EGLN1: variants seen among roughly 807,000 people sequenced by gnomAD.
EGLN1 encodes the protein egl nine homolog 1.
A neutral mutation model predicts 38.3 loss-of-function variants in EGLN1; 17 were observed. That is an observed-to-expected ratio of 0.44 (90% CI 0.30 to 0.67). EGLN1 has a LOEUF of 0.67. EGLN1 is among the 30% of genes least tolerant of loss of function. The pLI, the probability that EGLN1 is intolerant of heterozygous loss-of-function variation, is 0.08. For missense variants in EGLN1, 477 were observed against 603.3 expected (o/e 0.79, Z 2.19); for synonymous variants, 283 against 257.5 (o/e 1.10, Z -0.95).
At chr1:231,417,438 T>C (rs1689113869) in intron 1 of EGLN1, among the ~76,000 whole-genome samples, 1 of 152,092 alleles carries the variant, frequency 6.6e-6, no homozygotes, top group Admixed American at 6.6e-5. Context: ...AACAGAAAAG[T>C]TCAACATTTT....
intron 3 of EGLN1, among the ~76,000 whole-genome samples, chr1:231,368,534 TTTATTA>T (rs1175424860): frequency 6.6e-6 from 1 of 152,220 alleles, no homozygotes; most frequent in Non-Finnish European, 1.5e-5. Flanking sequence ...GCATCTCTAG[TTTATTA>T]AATACTACAA....
At chr1:231,384,485 A>C (rs976521708) in intron 1 of EGLN1, among the ~76,000 whole-genome samples, 2 of 152,006 alleles carry the variant, frequency 1.3e-5, no homozygotes, top group African/African-American at 4.8e-5. Flanking sequence ...GGCCTGACTG[A>C]GAAGTTGACA....
intron 1 of EGLN1, among the ~76,000 whole-genome samples, chr1:231,377,614 C>T (rs2102901500): frequency 6.6e-6 from 1 of 152,232 alleles, no homozygotes; most frequent in South Asian, 2.1e-4. Context: ...AGGAGTTTAT[C>T]GATAACTGTC....
intron 1 of EGLN1, among the ~76,000 whole-genome samples, chr1:231,417,112 T>C (rs986044018): frequency 1.3e-5 from 2 of 152,200 alleles, no homozygotes; most frequent in African/African-American, 4.8e-5. Context: ...GTCAGTTTCG[T>C]TTTTAACATC....
chr1:231,376,387 G>C (rs1687958431), intron 1 of EGLN1, among the ~76,000 whole-genome samples: 1 of 152,086 alleles, frequency 6.6e-6, no homozygotes. Flanking sequence ...CAATCGTCGT[G>C]GTACTTGTGT....
intron 1 of EGLN1, among the ~76,000 whole-genome samples, chr1:231,409,870 T>G (rs1450322543): frequency 6.6e-6 from 1 of 151,760 alleles, no homozygotes; most frequent in African/African-American, 2.4e-5. Context: ...ATGAGGAAAT[T>G]AATGCTTTAG....
chr1:231,386,915 A>G (rs989803991), intron 1 of EGLN1, among the ~76,000 whole-genome samples: 1 of 152,204 alleles, frequency 6.6e-6, no homozygotes, highest in Non-Finnish European at 1.5e-5. Flanking sequence ...GCTAGGGCGC[A>G]GTGGCTTGGA....
chr1:231,416,676 C>T (rs1689091309), intron 1 of EGLN1, among the ~76,000 whole-genome samples: 1 of 152,074 alleles, frequency 6.6e-6, no homozygotes, highest in Non-Finnish European at 1.5e-5. Flanking sequence ...CTAAAATAAT[C>T]TTTTAACGTA....
intron 1 of EGLN1, among the ~76,000 whole-genome samples, chr1:231,387,675 G>A (rs2808591): frequency 0.55 from 82,914 of 151,986 alleles, 24,236 homozygotes; most frequent in Non-Finnish European, 0.65. Flanking sequence ...TATTTTTAAG[G>A]ATGTTTAAGT....
At chr1:231,420,813 A>T (rs751693702) in intron 1 of EGLN1, among the ~76,000 whole-genome samples, 185 bp downstream of exon 1, 27 of 152,110 alleles carry the variant, frequency 1.8e-4, no homozygotes, top group Non-Finnish European at 3.2e-4. Context: ...GTGGATACAA[A>T]GGGGCTAACT....
intron 1 of EGLN1, among the ~76,000 whole-genome samples, chr1:231,379,993 G>A (rs915843985): frequency 2.6e-5 from 4 of 152,036 alleles, no homozygotes; most frequent in African/African-American, 4.8e-5. Flanking sequence ...GTTCAAATAC[G>A]GAAGAAAACA....
Position 231,370,376 on chromosome 1 carries a change from A to G in EGLN1, c.1148+186T>C, listed in dbSNP as rs550780821. Among the ~76,000 whole-genome samples the G allele has an allele frequency of 2.0e-5, 3 of 152,348 alleles. No individual in the cohort carries two copies. The East Asian group carries it at 5.8e-4, about 29-fold the overall frequency. ...ACACATTTAGTACTAACTGTTAATG[A>G]GTCTTATATAATTATTTGAATTCAG... On this transcript the variant is annotated intron_variant, in intron 3 of 4. Coordinates refer to ENST00000366641, the MANE Select transcript of EGLN1 (RefSeq NM_022051.3).
At chr1:231,410,378 T>C (rs1355607440) in intron 1 of EGLN1, among the ~76,000 whole-genome samples, 1 of 152,078 alleles carries the variant, frequency 6.6e-6, no homozygotes, top group African/African-American at 2.4e-5. Flanking sequence ...AACCACTGAG[T>C]GAGGCTAGAA....
chr1:231,379,086 G>C (rs1688022265), intron 1 of EGLN1, among the ~76,000 whole-genome samples: 1 of 152,156 alleles, frequency 6.6e-6, no homozygotes, highest in Admixed American at 6.5e-5. Context: ...AATTGCCGAA[G>C]GTCAGAGACT....
chr1:231,398,435 A>G (rs2790881), intron 1 of EGLN1, among the ~76,000 whole-genome samples: 82,872 of 152,052 alleles, frequency 0.55, 24,210 homozygotes, highest in Non-Finnish European at 0.65. Flanking sequence ...AGTAGCTGGG[A>G]CTATAGGTGC....
chr1:231,405,846 C>T (rs1323095143), intron 1 of EGLN1, among the ~76,000 whole-genome samples: 3 of 152,076 alleles, frequency 2.0e-5, no homozygotes, highest in Admixed American at 2.0e-4. Context: ...ACAAATTATT[C>T]TTCCATATTC....
intron 1 of EGLN1, among the ~76,000 whole-genome samples, chr1:231,396,076 A>G (rs188664750): frequency 2.7e-5 from 4 of 150,852 alleles, no homozygotes; most frequent in Non-Finnish European, 4.4e-5. Context: ...TTTAGTTCCA[A>G]TCCTAATTAA....
At chr1:231,367,714 A>G (rs1687690553) in intron 3 of EGLN1, 78 bp from the exon 4 acceptor site, 2 of 1,325,340 alleles carry the variant, frequency 1.5e-6, no homozygotes. Flanking sequence ...TGGTATATTA[A>G]AACTTGTAAT....
At chr1:231,391,797 G>C (rs1207702278) in intron 1 of EGLN1, among the ~76,000 whole-genome samples, 2 of 151,726 alleles carry the variant, frequency 1.3e-5, no homozygotes, top group Non-Finnish European at 2.9e-5. Context: ...AGAAATACTA[G>C]ATAAGATTTT....
Sources: gnomAD v4.1 joint callset for allele counts (sites outside exome capture counted in the v4.1 genomes callset) on GRCh38, gnomAD v4.1.1 for gene constraint, MANE v1.5 for transcripts, NCBI Gene and HGNC (gene_info 2026-07-23, HGNC 2026-07-21) for gene names.